Variants in HCN2 observed in about 807,000 individuals in gnomAD.
The protein encoded by HCN2 is hyperpolarization activated cyclic nucleotide gated potassium and sodium channel 2.
In HCN2, 20 loss-of-function variants were observed where a neutral mutation model predicts 52.3. That is an observed-to-expected ratio of 0.38 (90% CI 0.27 to 0.56). The LOEUF (loss-of-function observed/expected upper bound fraction) is 0.56. HCN2 is among the 20% of genes least tolerant of loss of function. The pLI is 0.71. For synonymous variants in HCN2, 694 were observed against 537.0 expected, an observed-to-expected ratio of 1.29 and a Z score of -4.04; for missense variants, 981 against 1,207.7, an observed-to-expected ratio of 0.81 and a Z score of 2.78.
intron 2 of HCN2, among the ~76,000 whole-genome samples, chr19:604,371 T>C (rs1418138376): frequency 1.5e-5 from 2 of 133,150 alleles, no homozygotes; most frequent in Admixed American, 7.7e-5. Context: ...GCTACAATGG[T>C]GCAGTGGTAG....
chr19:616,823 C>G lies in HCN2; in HGVS notation c.*349C>G, dbSNP rs1411249911. The G allele has an allele frequency of 1.5e-5, 3 of 204,264 alleles. No homozygotes were observed. Among genetic ancestry groups the G allele is most frequent in the Non-Finnish European group, 2.9e-5 (3 of 102,070 alleles). 12.7% of individuals were successfully genotyped at this position (204,264 alleles called of 1,614,324 possible). A position where few individuals can be genotyped will look rare whatever the true frequency, so the allele number is the denominator to read the frequency against. ...CGGCTGTGGAGCCCCGCCCGCCCCCCACCCTCTAGGTGGCCCCCGTCCGAG... is the reference window on the plus strand; with the variant it reads ...CGGCTGTGGAGCCCCGCCCGCCCCCGACCCTCTAGGTGGCCCCCGTCCGAG... On this transcript the variant is annotated 3_prime_UTR_variant, in exon 8 of 8. Coordinates refer to ENST00000251287, the MANE Select transcript of HCN2 (RefSeq NM_001194.4).
intron 1 of HCN2, among the ~76,000 whole-genome samples, chr19:600,569 T>C (rs1490249570): frequency 6.6e-6 from 1 of 151,732 alleles, no homozygotes. Flanking sequence ...CTGGTCCTGA[T>C]CTCTTGACCT....
chr19:610,522 G>A lies in HCN2; in HGVS notation c.1584+117G>A, dbSNP rs576773265. ...GAGGTGCCTAGGCTGCAGCAGGAGG[G>A]ACTCGAGCTAGACCTGCGTACACAC... is the stretch of plus-strand genomic sequence containing the variant. On this transcript the variant is annotated intron_variant, in intron 5 of 7. Coordinates refer to ENST00000251287, the MANE Select transcript of HCN2 (RefSeq NM_001194.4). 174 of 897,278 alleles carry A rather than the reference G, an allele frequency of 1.9e-4. 3 individuals are homozygous for A. The South Asian group carries it at 2.5e-3, about 13-fold the overall frequency. 55.6% of individuals were successfully genotyped at this position (897,278 alleles called of 1,614,324 possible).
intron 1 of HCN2, among the ~76,000 whole-genome samples, chr19:603,045 C>T (rs1256219852): frequency 5.2e-5 from 6 of 115,922 alleles, no homozygotes; most frequent in Non-Finnish European, 1.1e-4. Context: ...AAGGCACCGG[C>T]CTGAGGTGTG....
intron 5 of HCN2, 73 bp from the exon 6 acceptor site, chr19:613,175 G>T: frequency 6.6e-7 from 1 of 1,519,882 alleles, no homozygotes; most frequent in Non-Finnish European, 8.9e-7. Flanking sequence ...GAGGTGAGCC[G>T]GTCCCAGAGG....
At chr19:615,092 G>T (rs1387516008) in intron 7 of HCN2, among the ~76,000 whole-genome samples, 3 of 152,036 alleles carry the variant, frequency 2.0e-5, no homozygotes, top group Non-Finnish European at 4.4e-5. Flanking sequence ...CTGTGTACAG[G>T]CAGGTGTTTT....
chr19:595,691 G>A (rs910372201), intron 1 of HCN2, among the ~76,000 whole-genome samples: 2 of 152,170 alleles, frequency 1.3e-5, no homozygotes, highest in African/African-American at 4.8e-5. Context: ...CGAGAGTTCG[G>A]TGAACATCTG....
rs1041738455 is a variant in HCN2, at chr19:616,875, T to C, written c.*401T>C. The C allele has an allele frequency of 2.5e-5, 6 of 244,470 alleles. No individual in the cohort carries two copies. The highest frequency in any genetic ancestry group is 4.7e-5 in the Non-Finnish European group (6 of 126,360). The allele number at this position is 244,470 out of a possible 1,614,324, so 15.1% of individuals were successfully genotyped here. ...AGGATCGTTTTCTAAGTGCAATACT[T>C]GGCCCGCCGGCTTCCCGCTGCCCCC... On this transcript the variant is annotated 3_prime_UTR_variant, in exon 8 of 8. Transcript: ENST00000251287.
At chr19:601,840 C>T (rs1236622993) in intron 1 of HCN2, among the ~76,000 whole-genome samples, 1 of 151,410 alleles carries the variant, frequency 6.6e-6, no homozygotes, top group Non-Finnish European at 1.5e-5. Context: ...CATACGCAGG[C>T]CCTGAACCGA....
rs1039636025 is a variant in HCN2 at position 616,267 on chromosome 19, C to T, written c.2463C>T (p.Ser821=). Residue 821 remains serine (S), a synonymous_variant, in exon 8 of 8, where the codon TCC becomes TCT. Transcript: ENST00000251287. The part of the protein sequence containing the change: ...RRLSRASRPL[S]ASQPSLPHGA... Reference sequence around the variant, plus strand: ...TGAGCCGCGCGTCGCGCCCACTGTCCGCCTCGCAGCCCTCGCTGCCTCACG... The same window carrying T: ...TGAGCCGCGCGTCGCGCCCACTGTCTGCCTCGCAGCCCTCGCTGCCTCACG... 4.1e-5 allele frequency: 43 copies of T among 1,039,054 alleles called. No individual in the cohort carries two copies. The highest frequency in any genetic ancestry group is 3.9e-4 in the Admixed American group (7 of 17,860). The allele number at this position is 1,039,054 out of a possible 1,614,324, so 64.4% of individuals were successfully genotyped here.
At chr19:611,506 C>G (rs777021800) in intron 5 of HCN2, among the ~76,000 whole-genome samples, 34 of 152,164 alleles carry the variant, frequency 2.2e-4, no homozygotes, top group African/African-American at 7.0e-4. Flanking sequence ...CTAGGGACCT[C>G]GGGCCCCGGG....
chr19:613,608 CGGGGATGGGGATGGGGATGGGGATGG>C (rs1211883953), intron 6 of HCN2, 120 bp downstream of exon 6: 4 of 68,884 alleles, frequency 5.8e-5, no homozygotes, highest in African/African-American at 1.6e-4. Context: ...GGGATGGGGC[CGGGGATGGGGATGGGGATGGGGATGG>C]GGCCGGGGAT....
At chr19:610,981 G>T (rs980907063) in intron 5 of HCN2, among the ~76,000 whole-genome samples, 2 of 151,934 alleles carry the variant, frequency 1.3e-5, no homozygotes, top group African/African-American at 4.8e-5. Context: ...AGGCGCCCTT[G>T]GCTTGCAGAT....
chr19:617,113 A>ACCCCCCC lies in HCN2; in HGVS notation c.*644_*645insCCCCCCC. 1.7e-6 allele frequency: 1 copy of ACCCCCCC among 595,250 alleles called. No homozygotes were observed. The highest frequency in any genetic ancestry group is 2.9e-6 in the Non-Finnish European group (1 of 345,286). The allele number at this position is 595,250 out of a possible 1,614,324, so 36.9% of individuals were successfully genotyped here. A position where few individuals can be genotyped will look rare whatever the true frequency, so the allele number is the denominator to read the frequency against. On this transcript the variant is annotated 3_prime_UTR_variant, in exon 8 of 8. Transcript: ENST00000251287. The stretch of plus-strand genomic sequence containing the variant: ...CACCGTGGCCCCCCACGCCCCATTA[A>ACCCCCCC]CCCCCACACCCCCATTCCGCGCAAT...
chr19:590,063 CCGCCCG>C lies in HCN2; in HGVS notation c.124_129del (p.Ala42_Pro43del). 1 of 639,044 alleles carries C rather than the reference CCGCCCG, an allele frequency of 1.6e-6. No homozygotes were observed. Among genetic ancestry groups the C allele is most frequent in the Non-Finnish European group, 1.9e-6 (1 of 521,840 alleles). 39.6% of individuals were successfully genotyped at this position (639,044 alleles called of 1,614,324 possible). A position where few individuals can be genotyped will look rare whatever the true frequency, so the allele number is the denominator to read the frequency against. ...CCAACAGCAGCCGCCGCCGCCGCCG[CCGCCCG>C]CGCCCCCCCCGGGCCCCGGGCCCGC... On this transcript the variant is annotated inframe_deletion, in exon 1 of 8. Coordinates refer to ENST00000251287, the MANE Select transcript of HCN2 (RefSeq NM_001194.4). This position sits in a 1 kb window ranked among gnomAD's most constrained non-coding sequence, Gnocchi z 7.2.
chr19:598,419 A>AC (rs964317136), intron 1 of HCN2, among the ~76,000 whole-genome samples: 2 of 148,844 alleles, frequency 1.3e-5, no homozygotes, highest in African/African-American at 5.0e-5. Context: ...CAATCCTCCT[A>AC]CCTCAGCCTC....
In HCN2 at chr19:603,901, G is replaced by T; in HGVS notation, c.990G>T (p.Lys330Asn). 1 of 1,611,862 alleles carries T rather than the reference G, an allele frequency of 6.2e-7. No individual in the cohort carries two copies. Among genetic ancestry groups the T allele is most frequent in the Non-Finnish European group, 8.5e-7 (1 of 1,179,666 alleles). The stretch of plus-strand genomic sequence containing the variant: ...CCCTGCGCATCGTGCGCTTCACCAA[G>T]ATCCTCAGCCTCCTGCGGCTGCTGC... ...ARALRIVRFT[K>N]ILSLLRLLRL... The change falls in exon 2 of 8, where the codon AAG becomes AAT. Residue 330 changes from lysine (K) to asparagine (N), a missense_variant. Physicochemically the swap from Lys to Asn is moderately conservative, Grantham distance 94. Coordinates refer to ENST00000251287, the MANE Select transcript of HCN2 (RefSeq NM_001194.4).
At chr19:600,297 C>T (rs1481187976) in intron 1 of HCN2, among the ~76,000 whole-genome samples, 2 of 152,184 alleles carry the variant, frequency 1.3e-5, no homozygotes, top group African/African-American at 2.4e-5. Flanking sequence ...TTCAGCGTCC[C>T]GAGTAGCTGG....
At chr19:598,764 A>C (rs1983113258) in intron 1 of HCN2, among the ~76,000 whole-genome samples, 2 of 152,200 alleles carry the variant, frequency 1.3e-5, no homozygotes, top group South Asian at 4.1e-4. Context: ...ACCTCACACA[A>C]AAAAATAATA....
Sources: gnomAD v4.1 joint callset for allele counts (sites outside exome capture counted in the v4.1 genomes callset) on GRCh38, gnomAD v4.1.1 for gene constraint, Gnocchi (gnomAD v3.1) non-coding constraint, MANE v1.5 for transcripts, NCBI Gene and HGNC (gene_info 2026-07-23, HGNC 2026-07-21) for gene names.